CREBBP: variants seen among roughly 807,000 people sequenced by gnomAD.
The protein encoded by CREBBP is CREB binding lysine acetyltransferase.
A neutral mutation model predicts 265.0 loss-of-function variants in CREBBP; 19 were observed. The ratio of observed to expected loss-of-function variants is 0.07; its 90% CI spans 0.05 to 0.11. The LOEUF is 0.11. Among genes scored for constraint, CREBBP ranks in the 10% least tolerant of loss-of-function variants. CREBBP has a pLI of 1.00. For synonymous variants in CREBBP, 1,457 were observed against 1,223.7 expected, an observed-to-expected ratio of 1.19 and a Z score of -3.98; for missense variants, 2,525 against 3,219.0, an observed-to-expected ratio of 0.78 and a Z score of 5.22.
At chr16:3,774,844 T>C in intron 11 of CREBBP, 151 bp from the exon 12 acceptor site, 1 of 1,060,738 alleles carries the variant, frequency 9.4e-7, no homozygotes. Flanking sequence ...ATGAAGATGA[T>C]GAAGGAACAG....
At chr16:3,801,176 C>T (rs943064623) in intron 3 of CREBBP, among the ~76,000 whole-genome samples, 5 of 152,198 alleles carry the variant, frequency 3.3e-5, no homozygotes, top group African/African-American at 1.2e-4. Flanking sequence ...CCCAATCCTG[C>T]AGCTCTCTGT....
chr16:3,727,559 A>G lies in CREBBP; in HGVS notation c.*159T>C. On this transcript the variant is annotated 3_prime_UTR_variant, in exon 31 of 31. Transcript: ENST00000262367. ...TATTTAAATCAACTGGTTTTTAACAAAAAAATATATTCTTTGTATTGTTTC... is the reference window on the plus strand; with the variant it reads ...TATTTAAATCAACTGGTTTTTAACAGAAAAATATATTCTTTGTATTGTTTC... 1 of 1,199,742 alleles carries G rather than the reference A, an allele frequency of 8.3e-7. No homozygotes were observed. The highest frequency in any genetic ancestry group is 1.6e-5 in the African/African-American group (1 of 62,354). 74.3% of individuals were successfully genotyped at this position (1,199,742 alleles called of 1,614,324 possible).
Position 3,727,967 on chromosome 16 carries a change from A to G in CREBBP, c.7080T>C (p.His2360=), listed in dbSNP as rs2051791852. 1 of 1,607,632 alleles carries G rather than the reference A, an allele frequency of 6.2e-7. No homozygotes were observed. Among genetic ancestry groups the G allele is most frequent in the Non-Finnish European group, 8.5e-7 (1 of 1,175,390 alleles). The change falls in exon 31 of 31, where the codon CAT becomes CAC. Residue 2360 remains histidine (H), a synonymous_variant. Transcript: ENST00000262367. ...QSPRPQSQPP[H]SSPSPRIQPQ... is the part of the protein sequence containing the mutation. Reference sequence around the variant, plus strand: ...GCTGTATCCGTGGTGACGGGCTGGAATGTGGAGGCTGGGACTGGGGCCGTG... The same window carrying G: ...GCTGTATCCGTGGTGACGGGCTGGAGTGTGGAGGCTGGGACTGGGGCCGTG...
At chr16:3,849,549 T>G (rs1397944439) in intron 2 of CREBBP, among the ~76,000 whole-genome samples, 2 of 139,266 alleles carry the variant, frequency 1.4e-5, no homozygotes, top group African/African-American at 5.6e-5. Context: ...TTTTTTTTTT[T>G]TCCAAGAGAC....
rs1333993030 is a variant in CREBBP at position 3,808,545 on chromosome 16, T to C, written c.975+2058A>G. 2.6e-5 allele frequency among the ~76,000 whole-genome samples: 4 copies of C among 152,356 alleles called. No homozygotes were observed. The South Asian group carries it at 8.3e-4, about 32-fold the overall frequency. ...AGGTGAAGGGAATGAGCAGCCTCTT[T>C]GCAGTCCCGGGCAGAAACTGCCCTT... is the stretch of plus-strand genomic sequence containing the variant. On this transcript the variant is annotated intron_variant, in intron 3 of 30. Coordinates refer to ENST00000262367, the MANE Select transcript of CREBBP (RefSeq NM_004380.3).
At position 3,781,190 on chromosome 16, in the gene CREBBP, A is replaced by AT. The variant is rs776592099; in HGVS notation, c.1676+13_1676+14insA. ...CCTGTTGGACTGTCACTCAGATCTG[A>AT]AACAGGGTCTTACTTTGTGGCCCCC... On this transcript the variant is annotated intron_variant, in intron 7 of 30. Coordinates refer to ENST00000262367, the MANE Select transcript of CREBBP (RefSeq NM_004380.3). 35 of 1,608,872 alleles carry AT rather than the reference A, an allele frequency of 2.2e-5. No homozygotes were observed. The highest frequency in any genetic ancestry group is 3.0e-5 in the Non-Finnish European group (35 of 1,175,298).
At chr16:3,735,899 C>A (rs2052044731) in intron 28 of CREBBP, 137 bp downstream of exon 28, 1 of 1,346,346 alleles carries the variant, frequency 7.4e-7, no homozygotes, top group South Asian at 1.2e-5. Context: ...CCCTGTGCTG[C>A]AGGTGGTGTC....
chr16:3,775,853 G>T (rs9932381), intron 11 of CREBBP, among the ~76,000 whole-genome samples: 1 of 151,792 alleles, frequency 6.6e-6, no homozygotes, highest in Non-Finnish European at 1.5e-5. Flanking sequence ...TGAAGTCCTG[G>T]ACCAATCCCC....
chr16:3,771,060 A>G, intron 13 of CREBBP, 74 bp from the exon 14 acceptor site: 1 of 1,577,080 alleles, frequency 6.3e-7, no homozygotes, highest in Admixed American at 1.7e-5. Flanking sequence ...TGAAAAATTA[A>G]ATGTATGAAA....
chr16:3,796,133 A>G (rs936288970), intron 3 of CREBBP, among the ~76,000 whole-genome samples: 1 of 152,242 alleles, frequency 6.6e-6, no homozygotes, highest in African/African-American at 2.4e-5. Flanking sequence ...GAAATATCAC[A>G]TACCAAAAAA....
chr16:3,846,931 C>T (rs181918172), intron 2 of CREBBP, among the ~76,000 whole-genome samples: 158 of 152,266 alleles, frequency 1.0e-3, no homozygotes, highest in African/African-American at 3.0e-3. Context: ...GGTTGTTTGT[C>T]GTTAAACCAT....
chr16:3,847,890 C>T (rs1039737988), intron 2 of CREBBP, among the ~76,000 whole-genome samples: 8 of 152,120 alleles, frequency 5.3e-5, no homozygotes, highest in African/African-American at 1.4e-4. Context: ...ACTTATAGGC[C>T]GGGCGTGGTG....
intron 5 of CREBBP, among the ~76,000 whole-genome samples, chr16:3,790,366 CTTTTTTTTTTT>C (rs57582399): frequency 3.0e-5 from 2 of 66,588 alleles, no homozygotes; most frequent in African/African-American, 1.2e-4. Context: ...AGGAAACTGG[CTTTTTTTTTTT>C]TTTTTTTTTT....
chr16:3,837,681 A>G (rs1036228376), intron 2 of CREBBP, among the ~76,000 whole-genome samples: 5 of 151,560 alleles, frequency 3.3e-5, no homozygotes, highest in Admixed American at 2.0e-4. Context: ...AGCTTATAGA[A>G]TAAGTACAAA....
chr16:3,821,050 T>G (rs548927337), intron 2 of CREBBP, among the ~76,000 whole-genome samples: 1 of 152,328 alleles, frequency 6.6e-6, no homozygotes, highest in Admixed American at 6.5e-5. Flanking sequence ...TCAAGGTCAC[T>G]GGAGAAACTA....
chr16:3,784,612 G>A (rs1382348313), intron 5 of CREBBP: 1 of 152,246 alleles, frequency 6.6e-6, no homozygotes, highest in African/African-American at 2.4e-5. Context: ...CTGTAAGGAA[G>A]AACAGGGCTA....
At chr16:3,815,132 C>T (rs1161321834) in intron 2 of CREBBP, among the ~76,000 whole-genome samples, 3 of 152,190 alleles carry the variant, frequency 2.0e-5, no homozygotes, top group Admixed American at 6.5e-5. Flanking sequence ...TGTGGTCCCC[C>T]ACCCTAGGCT....
chr16:3,807,796 GT>G (rs2053859255), intron 3 of CREBBP, among the ~76,000 whole-genome samples: 1 of 152,184 alleles, frequency 6.6e-6, no homozygotes, highest in Non-Finnish European at 1.5e-5. Flanking sequence ...GAGACCATGT[GT>G]GCTGGTACCC....
Position 3,781,312 on chromosome 16 carries a change from A to G in CREBBP, c.1574-6T>C, listed in dbSNP as rs2141248449. 1.9e-6 allele frequency: 3 copies of G among 1,609,332 alleles called. No homozygotes were observed. The highest frequency in any genetic ancestry group is 2.6e-6 in the Non-Finnish European group (3 of 1,176,152). On this transcript the variant is annotated splice_region_variant and splice_polypyrimidine_tract_variant and intron_variant, in intron 6 of 30. Coordinates refer to ENST00000262367, the MANE Select transcript of CREBBP (RefSeq NM_004380.3). ...AATGTTCATTGGATTATTTCCTTTAAAGACAGAAAAGAAATCAATCAACAG... is the reference window on the plus strand; with the variant it reads ...AATGTTCATTGGATTATTTCCTTTAGAGACAGAAAAGAAATCAATCAACAG...
Sources: gnomAD v4.1 joint callset for allele counts (sites outside exome capture counted in the v4.1 genomes callset) on GRCh38, gnomAD v4.1.1 for gene constraint, MANE v1.5 for transcripts, NCBI Gene and HGNC (gene_info 2026-07-23, HGNC 2026-07-21) for gene names.